The following AP3B2 variants were observed in gnomAD, a reference collection of about 807,000 sequenced individuals.
AP3B2 encodes AP-3 complex subunit beta-2.
Under a neutral mutation model 126.9 loss-of-function variants are expected in AP3B2, and 50 were observed. The ratio of observed to expected loss-of-function variants is 0.39; its 90% CI spans 0.31 to 0.50. The LOEUF (loss-of-function observed/expected upper bound fraction) is 0.50. Ranked by LOEUF, AP3B2 falls within the 20% of genes least tolerant of loss-of-function variation. The probability of loss-of-function intolerance (pLI) is 0.79; values close to 1 mark genes in which losing one functional copy is unlikely to be tolerated. For synonymous variants in AP3B2, 541 were observed against 565.0 expected (o/e 0.96, Z 0.60); for missense variants, 1,177 against 1,426.4 (o/e 0.83, Z 2.82).
intron 9 of AP3B2, 24 bp from the exon 10 acceptor site, chr15:82,679,824 G>T: frequency 6.2e-7 from 1 of 1,608,922 alleles, no homozygotes; most frequent in Non-Finnish European, 8.5e-7. Flanking sequence ...GGCAGCTAGG[G>T]AGCTCCACCG....
At chr15:82,699,777 G>A (rs777557994) in intron 1 of AP3B2, 18 of 399,110 alleles carry the variant, frequency 4.5e-5, no homozygotes, top group Non-Finnish European at 7.1e-5. Flanking sequence ...GCCCACCTTC[G>A]GGAGCCAGCA....
chr15:82,685,873 AC>A (rs1443624320), intron 4 of AP3B2: 3 of 152,074 alleles, frequency 2.0e-5, no homozygotes, highest in Non-Finnish European at 4.4e-5. Flanking sequence ...GTCACCCACA[AC>A]CCTTTGCACA....
intron 4 of AP3B2, chr15:82,686,775 G>T (rs898708886): frequency 2.0e-5 from 3 of 150,550 alleles, no homozygotes; most frequent in African/African-American, 7.3e-5. Flanking sequence ...GGGCTGGACT[G>T]CAGTGGCACG....
At chr15:82,696,699 T>C (rs1336638442) in intron 1 of AP3B2, among the ~76,000 whole-genome samples, 1 of 152,228 alleles carries the variant, frequency 6.6e-6, no homozygotes, top group Non-Finnish European at 1.5e-5. Context: ...AGCCCTGAGC[T>C]GTTGCTCCCC....
At position 82,665,457 on chromosome 15, in the gene AP3B2, C is replaced by T; in HGVS notation, c.1971G>A (p.Glu657=). 6.2e-7 allele frequency: 1 copy of T among 1,611,376 alleles called. No individual in the cohort carries two copies. Among genetic ancestry groups the T allele is most frequent in the Non-Finnish European group, 8.5e-7 (1 of 1,178,440 alleles). Residue 657 remains glutamate (E), a splice_region_variant and synonymous_variant, in exon 16 of 27, where the codon GAG becomes GAA. Coordinates refer to ENST00000535359, the MANE Select transcript of AP3B2 (RefSeq NM_001278512.2). This position sits in a 1 kb window ranked among gnomAD's most constrained non-coding sequence, Gnocchi z 4.4. ...CACTTCAACCCTCCACCCCGCTGAC[C>T]TCCACGTTGCGCACAGATGGGTCTG... ...EAPDPSVRNV[E]EEDLSLIETH... is the part of the protein sequence containing the mutation.
chr15:82,679,677 T>C, intron 10 of AP3B2, 52 bp downstream of exon 10: 1 of 1,493,934 alleles, frequency 6.7e-7, no homozygotes, highest in Non-Finnish European at 9.2e-7. Context: ...TTTGAGTGGG[T>C]ACATGGGGTG....
chr15:82,683,966 TTCAGTAAACCATAAC>T (rs2048386154), intron 4 of AP3B2, among the ~76,000 whole-genome samples: 1 of 152,184 alleles, frequency 6.6e-6, no homozygotes, highest in Non-Finnish European at 1.5e-5. Context: ...GCTTAAAAAA[TTCAGTAAACCATAAC>T]TGCAAACAGA....
chr15:82,677,925 T>C, intron 11 of AP3B2, 122 bp from the exon 12 acceptor site: 6 of 1,370,280 alleles, frequency 4.4e-6, no homozygotes, highest in African/African-American at 1.4e-5. Flanking sequence ...GGAAAGGGGG[T>C]GACAACTCCA....
At chr15:82,702,558 C>T (rs568148810) in intron 1 of AP3B2, among the ~76,000 whole-genome samples, 30 of 152,266 alleles carry the variant, frequency 2.0e-4, no homozygotes, top group African/African-American at 7.2e-4. Context: ...AAAGCTCCCC[C>T]ACTGAGCACC....
In AP3B2 at chr15:82,659,401, T is replaced by C. The variant is rs961894907; in HGVS notation, c.*159A>G. ...ACTAAGGAATCCATGGGGAGGGCAT[T>C]AGGGGAGGGCTTGGTCCTCCAGAGG... On this transcript the variant is annotated 3_prime_UTR_variant, in exon 27 of 27. Coordinates refer to ENST00000535359, the MANE Select transcript of AP3B2 (RefSeq NM_001278512.2). The C allele has an allele frequency of 1.4e-5, 12 of 860,474 alleles. No homozygotes were observed. In the African/African-American group the frequency reaches 1.7e-4, roughly 12 times the overall value. The allele number at this position is 860,474 out of a possible 1,614,324, so 53.3% of individuals were successfully genotyped here. A position where few individuals can be genotyped will look rare whatever the true frequency, so the allele number is the denominator to read the frequency against.
chr15:82,678,467 G>C (rs972119414), intron 10 of AP3B2, among the ~76,000 whole-genome samples: 3 of 152,078 alleles, frequency 2.0e-5, no homozygotes, highest in Non-Finnish European at 4.4e-5. Flanking sequence ...ATTCACCATG[G>C]TCTGTAAGTC....
intron 14 of AP3B2, among the ~76,000 whole-genome samples, chr15:82,673,354 T>G (rs2048189254): frequency 6.6e-6 from 1 of 152,078 alleles, no homozygotes; most frequent in African/African-American, 2.4e-5. Context: ...AGCTGAGATT[T>G]CAGCGCACCA....
At position 82,704,323 on chromosome 15, in the gene AP3B2, T is replaced by A. The variant is rs920838428; in HGVS notation, c.113+5271A>T. ...ATTAAATTCCGGCCCTCAAACCCCA[T>A]AACAGGACTTAATTAACCTCGCCTT... On this transcript the variant is annotated intron_variant, in intron 1 of 26. Coordinates refer to ENST00000535359, the MANE Select transcript of AP3B2 (RefSeq NM_001278512.2). Among the ~76,000 whole-genome samples, 6 of 151,682 alleles carry A rather than the reference T, an allele frequency of 4.0e-5. No homozygotes were observed. The Middle Eastern group carries it at 0.01, about 258-fold the overall frequency.
chr15:82,688,899 G>T, intron 3 of AP3B2, 68 bp from the exon 4 acceptor site: 1 of 1,416,014 alleles, frequency 7.1e-7, no homozygotes, highest in Non-Finnish European at 9.7e-7. Context: ...CCCTACCCCT[G>T]GGATGTCATC....
At position 82,691,762 on chromosome 15, in the gene AP3B2, C is replaced by T. The variant is rs1396826759; in HGVS notation, c.114-2309G>A. On this transcript the variant is annotated intron_variant, in intron 1 of 26. Transcript: ENST00000535359. ...AAGGAGAGAAGTGGTGTGGGGAACC[C>T]CGGCTTTAGTATGGAGAGTCACGGC... 10 of 1,573,804 alleles carry T rather than the reference C, an allele frequency of 6.4e-6. No homozygotes were observed. In the Admixed American group the frequency reaches 6.8e-5, roughly 11 times the overall value.
At chr15:82,659,788 C>T (rs2047904816) in intron 26 of AP3B2, 57 bp downstream of exon 26, 5 of 1,609,174 alleles carry the variant, frequency 3.1e-6, no homozygotes, top group Non-Finnish European at 2.6e-6. Context: ...GCTGGGGCTC[C>T]TCCTTCAAAC....
At chr15:82,701,071 G>A (rs973303937) in intron 1 of AP3B2, among the ~76,000 whole-genome samples, 1 of 151,986 alleles carries the variant, frequency 6.6e-6, no homozygotes, top group Non-Finnish European at 1.5e-5. Context: ...ATGTTGGCCA[G>A]GTTAGTCTTG....
At chr15:82,705,116 T>C (rs1364578620) in intron 1 of AP3B2, among the ~76,000 whole-genome samples, 1 of 152,032 alleles carries the variant, frequency 6.6e-6, no homozygotes, top group Non-Finnish European at 1.5e-5. Context: ...CATCCTCCCC[T>C]TGTATCTCCC....
intron 1 of AP3B2, among the ~76,000 whole-genome samples, chr15:82,699,398 TATC>T (rs1320126946): frequency 6.6e-6 from 1 of 152,122 alleles, no homozygotes; most frequent in Non-Finnish European, 1.5e-5. Context: ...AATATTTTAC[TATC>T]CTCCTCCCCT....
Sources: allele counts gnomAD v4.1 joint callset (sites outside exome capture counted in the v4.1 genomes callset), GRCh38; gene constraint gnomAD v4.1.1; non-coding constraint Gnocchi (gnomAD v3.1); transcripts MANE v1.5; gene names NCBI Gene and HGNC (gene_info 2026-07-23, HGNC 2026-07-21).